The following CKAP5 variants were observed in gnomAD, a reference collection of about 807,000 sequenced individuals.
The protein encoded by CKAP5 is cytoskeleton-associated protein 5.
CKAP5 carries 27 observed loss-of-function variants against 232.8 expected under a neutral mutation model. The ratio of observed to expected loss-of-function variants is 0.12; its 90% CI spans 0.09 to 0.16. CKAP5 has a LOEUF of 0.16. Among genes scored for constraint, CKAP5 ranks in the 10% least tolerant of loss-of-function variants. CKAP5 has a pLI of 1.00. For synonymous variants in CKAP5, 785 were observed against 841.1 expected (o/e 0.93, Z 1.16); for missense variants, 1,838 against 2,424.7 (o/e 0.76, Z 5.08).
chr11:46,833,072 TATAGGCTGTGCACCACA>T (rs1555168382), intron 1 of CKAP5, among the ~76,000 whole-genome samples: 1 of 152,080 alleles, frequency 6.6e-6, no homozygotes, highest in Non-Finnish European at 1.5e-5. Context: ...AGATGCTGAG[TATAGGCTGTGCACCACA>T]ATAGCCCTGA....
At chr11:46,778,621 A>C (rs1013038238) in intron 20 of CKAP5, 22 bp from the exon 21 acceptor site, 1 of 1,608,206 alleles carries the variant, frequency 6.2e-7, no homozygotes, top group African/African-American at 1.3e-5. Context: ...TGAATGAGTA[A>C]GGCTAATGAA....
chr11:46,802,988 G>A (rs988269586), intron 8 of CKAP5, among the ~76,000 whole-genome samples: 1 of 152,132 alleles, frequency 6.6e-6, no homozygotes, highest in African/African-American at 2.4e-5. Context: ...TCACAGCCAG[G>A]CATGGTGGTT....
chr11:46,791,346 C>A (rs916542832), intron 13 of CKAP5, among the ~76,000 whole-genome samples: 30 of 150,822 alleles, frequency 2.0e-4, no homozygotes, highest in African/African-American at 6.8e-4. Flanking sequence ...ACCTCCTGGG[C>A]TTAAGCGAGC....
Position 46,801,560 on chromosome 11 carries a change from T to C in CKAP5, c.979-256A>G, listed in dbSNP as rs536618575. Among the ~76,000 whole-genome samples the C allele has an allele frequency of 2.7e-3, 416 of 151,914 alleles. 2 individuals are homozygous for C. Among genetic ancestry groups the C allele is most frequent in the African/African-American group, 9.5e-3 (394 of 41,430 alleles). On this transcript the variant is annotated intron_variant, in intron 8 of 43. Coordinates refer to ENST00000529230, the MANE Select transcript of CKAP5 (RefSeq NM_001008938.4). ...TGGCAGGCACCTGTAATCCCAGCTA[T>C]TTGGAAGGCTGAGGCAGGAGAATCA...
intron 16 of CKAP5, 33 bp downstream of exon 16, chr11:46,788,648 A>G: frequency 2.4e-6 from 3 of 1,257,410 alleles, no homozygotes; most frequent in South Asian, 1.2e-5. Context: ...AATTACTTCA[A>G]TAAAAGACAT....
chr11:46,798,683 G>A (rs1938953755), intron 9 of CKAP5, among the ~76,000 whole-genome samples: 1 of 152,118 alleles, frequency 6.6e-6, no homozygotes, highest in South Asian at 2.1e-4. Context: ...GGTTGCTAGA[G>A]TCAAGGGCAG....
intron 2 of CKAP5, among the ~76,000 whole-genome samples, chr11:46,818,810 G>A (rs546542539): frequency 5.3e-5 from 8 of 152,228 alleles, no homozygotes; most frequent in African/African-American, 1.9e-4. Flanking sequence ...TATTAAAGAT[G>A]TGATAACTCA....
intron 35 of CKAP5, among the ~76,000 whole-genome samples, chr11:46,758,236 C>G (rs529358283): frequency 6.6e-6 from 1 of 152,208 alleles, no homozygotes; most frequent in South Asian, 2.1e-4. Context: ...CTCTTATTTC[C>G]TTGAACTTCA....
chr11:46,776,458 T>C (rs1477344945), intron 23 of CKAP5, 75 bp from the exon 24 acceptor site: 7 of 1,223,192 alleles, frequency 5.7e-6, no homozygotes, highest in South Asian at 1.8e-5. Flanking sequence ...TGTTGCTTTA[T>C]GAACATGAAC....
At chr11:46,821,079 T>C in intron 2 of CKAP5, 96 bp downstream of exon 2, 1 of 764,886 alleles carries the variant, frequency 1.3e-6, no homozygotes, top group Non-Finnish European at 2.1e-6. Flanking sequence ...TTTTTGAAAC[T>C]GCCAATGTTT....
chr11:46,787,030 C>T (rs117343104), intron 16 of CKAP5, among the ~76,000 whole-genome samples: 122 of 152,218 alleles, frequency 8.0e-4, no homozygotes, highest in East Asian at 4.1e-3. Context: ...TAGTGATGCA[C>T]GCCTGTGGTC....
intron 14 of CKAP5, 54 bp from the exon 15 acceptor site, chr11:46,790,240 C>T: frequency 7.9e-7 from 1 of 1,264,018 alleles, no homozygotes; most frequent in South Asian, 1.3e-5. Context: ...GAACAGATGA[C>T]AAGAACGTAA....
At chr11:46,760,854 T>C (rs2065148671) in intron 32 of CKAP5, 70 bp from the exon 33 acceptor site, 1 of 1,347,882 alleles carries the variant, frequency 7.4e-7, no homozygotes, top group South Asian at 1.3e-5. Flanking sequence ...TCAAAACAAA[T>C]AGAACCTTCT....
chr11:46,753,033 TTGGC>T (rs1389575572), intron 37 of CKAP5: 1 of 442,744 alleles, frequency 2.3e-6, no homozygotes, highest in East Asian at 3.7e-5. Context: ...ATGCATGATA[TTGGC>T]TGGCTAACTA....
At position 46,802,559 on chromosome 11, in the gene CKAP5, C is replaced by CAG. The variant is rs1165542984; in HGVS notation, c.979-1256_979-1255insCT. The stretch of plus-strand genomic sequence containing the variant: ...ACAGACAGACAGACAGACAGACAGA[C>CAG]ACACACACACACACACACACACACA... On this transcript the variant is annotated intron_variant, in intron 8 of 43. Transcript: ENST00000529230. Among the ~76,000 whole-genome samples the CAG allele has an allele frequency of 2.6e-3, 235 of 88,696 alleles. 1 individual carries two copies. The highest frequency in any genetic ancestry group is 6.7e-3 in the Middle Eastern group (1 of 150). 58.2% of individuals were successfully genotyped at this position (88,696 alleles called of 152,430 possible).
intron 8 of CKAP5, chr11:46,802,300 C>G (rs1939047504): frequency 6.6e-6 from 1 of 152,250 alleles, no homozygotes; most frequent in Admixed American, 6.5e-5. Flanking sequence ...GTCAATTTAA[C>G]AAGATACTGA....
intron 4 of CKAP5, 82 bp downstream of exon 4, chr11:46,816,116 T>C (rs988991350): frequency 8.8e-5 from 97 of 1,105,142 alleles, no homozygotes; most frequent in Non-Finnish European, 1.1e-4. Flanking sequence ...CATGGAAAAA[T>C]TGTCTTCCAT....
At chr11:46,791,369 GCAGCCCTCCCAT>G (rs1938716991) in intron 13 of CKAP5, among the ~76,000 whole-genome samples, 4 of 124,508 alleles carry the variant, frequency 3.2e-5, no homozygotes, top group Non-Finnish European at 7.3e-5. Flanking sequence ...CCCATCTCAA[GCAGCCCTCCCAT>G]CTCAGCTTCC....
chr11:46,816,483 G>C, intron 3 of CKAP5, 79 bp from the exon 4 acceptor site: 1 of 1,008,110 alleles, frequency 9.9e-7, no homozygotes. Context: ...GGGTGTACTA[G>C]TACTTTTACA....
Sources: gnomAD v4.1 joint callset for allele counts (sites outside exome capture counted in the v4.1 genomes callset) on GRCh38, gnomAD v4.1.1 for gene constraint, MANE v1.5 for transcripts, NCBI Gene and HGNC (gene_info 2026-07-23, HGNC 2026-07-21) for gene names.